The following GLRA3 variants were observed in gnomAD, a reference collection of about 807,000 sequenced individuals.
GLRA3 encodes the protein glycine receptor alpha 3.
In GLRA3, 44 loss-of-function variants were observed where a neutral mutation model predicts 60.4. The observed-to-expected ratio is 0.73, with a 90% CI of 0.57 to 0.94. The LOEUF (loss-of-function observed/expected upper bound fraction) is 0.94. Ranked by LOEUF, GLRA3 falls within the 40% of genes least tolerant of loss-of-function variation. The pLI is 0.00. For synonymous variants in GLRA3, 223 were observed against 192.9 expected (o/e 1.16, Z -1.29); for missense variants, 508 against 564.6 (o/e 0.90, Z 1.02).
chr4:174,726,104 G>C (rs1160927105), intron 4 of GLRA3, among the ~76,000 whole-genome samples: 2 of 152,210 alleles, frequency 1.3e-5, no homozygotes, highest in Admixed American at 6.5e-5. Flanking sequence ...TGACACTATG[G>C]TGAGAGTGGC....
chr4:174,792,298 A>G (rs1739381723), intron 1 of GLRA3, among the ~76,000 whole-genome samples: 1 of 152,008 alleles, frequency 6.6e-6, no homozygotes, highest in African/African-American at 2.4e-5. Flanking sequence ...GTTTCCTCCG[A>G]GGCCCTCCCT....
intron 3 of GLRA3, among the ~76,000 whole-genome samples, chr4:174,730,454 T>C (rs1451054606): frequency 1.3e-5 from 2 of 152,202 alleles, no homozygotes; most frequent in Non-Finnish European, 2.9e-5. Context: ...AGAATGTACA[T>C]TTGTACTGAT....
In GLRA3 at chr4:174,642,026, A is replaced by T. The variant is rs1732636699; in HGVS notation, c.*1760T>A. Reference sequence around the variant, plus strand: ...AACGTGGGTACTTACAGAGTAACAAATTCTTTTGGTTGTGTCATTTGCACA... The same window carrying T: ...AACGTGGGTACTTACAGAGTAACAATTTCTTTTGGTTGTGTCATTTGCACA... On this transcript the variant is annotated 3_prime_UTR_variant, in exon 10 of 10. Coordinates refer to ENST00000274093, the MANE Select transcript of GLRA3 (RefSeq NM_006529.4). 1 of 429,620 alleles carries T rather than the reference A, an allele frequency of 2.3e-6. No homozygotes were observed. The highest frequency in any genetic ancestry group is 6.4e-5 in the Admixed American group (1 of 15,566). 26.6% of individuals were successfully genotyped at this position (429,620 alleles called of 1,614,324 possible).
chr4:174,718,118 G>GA (rs1240389473), intron 4 of GLRA3, among the ~76,000 whole-genome samples: 9 of 152,292 alleles, frequency 5.9e-5, no homozygotes, highest in African/African-American at 2.2e-4. Context: ...ATCATATCCT[G>GA]AAAAAATCTA....
At chr4:174,660,581 T>C (rs958899140) in intron 7 of GLRA3, among the ~76,000 whole-genome samples, 5 of 152,204 alleles carry the variant, frequency 3.3e-5, no homozygotes, top group Non-Finnish European at 7.3e-5. Flanking sequence ...AATCTTCCCA[T>C]GCATGGAATA....
Position 174,784,353 on chromosome 4 carries a change from A to G in GLRA3, c.199+4463T>C, listed in dbSNP as rs1382885088. ...GAGGGGGGAGGGATAGCATTGGGAGATATACCTAATGCTAGATGACGAGTT... is the reference window on the plus strand; with the variant it reads ...GAGGGGGGAGGGATAGCATTGGGAGGTATACCTAATGCTAGATGACGAGTT... On this transcript the variant is annotated intron_variant, in intron 2 of 9. Coordinates refer to ENST00000274093, the MANE Select transcript of GLRA3 (RefSeq NM_006529.4). 2.1e-5 allele frequency among the ~76,000 whole-genome samples: 3 copies of G among 145,554 alleles called. No homozygotes were observed. The East Asian group carries it at 6.0e-4, about 29-fold the overall frequency.
At chr4:174,670,098 T>C (rs945929803) in intron 7 of GLRA3, among the ~76,000 whole-genome samples, 1 of 152,194 alleles carries the variant, frequency 6.6e-6, no homozygotes, top group Non-Finnish European at 1.5e-5. Flanking sequence ...TTCTTATATT[T>C]AACACTGATA....
chr4:174,677,526 A>AT (rs779270533), intron 6 of GLRA3, among the ~76,000 whole-genome samples: 35,747 of 146,204 alleles, frequency 0.24, 4,376 homozygotes, highest in South Asian at 0.29. Flanking sequence ...AGCCCGGCTA[A>AT]TTTTTTTTTT....
At chr4:174,790,825 C>CAAAAAA (rs751090125) in intron 1 of GLRA3, among the ~76,000 whole-genome samples, 31 of 65,102 alleles carry the variant, frequency 4.8e-4, no homozygotes, top group African/African-American at 8.5e-4. Flanking sequence ...CTAAAAAATA[C>CAAAAAA]AAAAAAAAAA....
At chr4:174,796,678 A>C (rs1739584133) in intron 1 of GLRA3, among the ~76,000 whole-genome samples, 1 of 152,058 alleles carries the variant, frequency 6.6e-6, no homozygotes. Context: ...CTGGGACTAC[A>C]GGCATATGCC....
At chr4:174,785,979 A>G (rs12513096) in intron 2 of GLRA3, among the ~76,000 whole-genome samples, 1 of 138,614 alleles carries the variant, frequency 7.2e-6, no homozygotes, top group Admixed American at 7.7e-5. Flanking sequence ...GGTGTCTCAG[A>G]GCTGGTCTCA....
At chr4:174,753,296 G>A (rs949192921) in intron 3 of GLRA3, among the ~76,000 whole-genome samples, 2 of 152,098 alleles carry the variant, frequency 1.3e-5, no homozygotes, top group African/African-American at 2.4e-5. Flanking sequence ...GAAATATGCC[G>A]TTTGAACGGT....
chr4:174,667,536 T>G (rs1274452305), intron 7 of GLRA3, among the ~76,000 whole-genome samples: 2 of 152,060 alleles, frequency 1.3e-5, no homozygotes, highest in Non-Finnish European at 2.9e-5. Context: ...CATAAAACGA[T>G]AGTGTCAGGT....
chr4:174,646,326 G>A (rs900122958), intron 9 of GLRA3, among the ~76,000 whole-genome samples: 3 of 152,166 alleles, frequency 2.0e-5, no homozygotes, highest in East Asian at 1.9e-4. Flanking sequence ...GTGAGCAACC[G>A]AATTTTTCTC....
At chr4:174,653,460 C>T (rs1213403776) in intron 9 of GLRA3, among the ~76,000 whole-genome samples, 1 of 151,790 alleles carries the variant, frequency 6.6e-6, no homozygotes, top group African/African-American at 2.4e-5. Context: ...TTTGAAAGTT[C>T]ACTCCAAGAG....
chr4:174,790,001 T>G (rs1041800141), intron 1 of GLRA3, among the ~76,000 whole-genome samples: 1 of 152,208 alleles, frequency 6.6e-6, no homozygotes, highest in African/African-American at 2.4e-5. Context: ...CAACTGGGGC[T>G]TAGAGCCATC....
intron 3 of GLRA3, among the ~76,000 whole-genome samples, chr4:174,735,125 T>C (rs550593454): frequency 9.2e-5 from 14 of 152,260 alleles, no homozygotes; most frequent in African/African-American, 3.4e-4. Context: ...AATATTTCTA[T>C]TCAATTCTCC....
At position 174,788,906 on chromosome 4, in the gene GLRA3, G is replaced by A. The variant is rs756114114; in HGVS notation, c.109C>T (p.Arg37Ter). 5 of 1,606,950 alleles carry A rather than the reference G, an allele frequency of 3.1e-6. No individual in the cohort carries two copies. The highest frequency in any genetic ancestry group is 3.4e-5 in the Admixed American group (2 of 59,442). ...ATKETDSARS[R>*]SAPMSPSDFL... is the part of the protein sequence containing the mutation. ...TCAGAAGGTGACATTGGAGCACTTC[G>A]AGATCTTGCACTGTCTGTTTCCTTT... Residue 37 changes from arginine (R) to a stop codon, truncating the protein, a stop_gained, in exon 2 of 10, where the codon CGA becomes TGA. Transcript: ENST00000274093. LOFTEE classifies it high-confidence loss of function.
chr4:174,710,747 T>C (rs994835875), intron 5 of GLRA3, among the ~76,000 whole-genome samples: 6 of 152,172 alleles, frequency 3.9e-5, no homozygotes, highest in African/African-American at 1.4e-4. Context: ...CGATTATTTC[T>C]ATTTCTTCAT....
Sources: allele counts gnomAD v4.1 joint callset (sites outside exome capture counted in the v4.1 genomes callset), GRCh38; gene constraint gnomAD v4.1.1; transcripts MANE v1.5; gene names NCBI Gene and HGNC (gene_info 2026-07-23, HGNC 2026-07-21).